Variants in CCDC14 observed in about 807,000 individuals in gnomAD.
The protein encoded by CCDC14 is coiled-coil domain containing 14.
Under a neutral mutation model 81.4 loss-of-function variants are expected in CCDC14, and 71 were observed. The ratio of observed to expected loss-of-function variants is 0.87; its 90% CI spans 0.72 to 1.06. The LOEUF (loss-of-function observed/expected upper bound fraction) is 1.06. Among genes scored for constraint, CCDC14 ranks in the 50% least tolerant of loss-of-function variants. The probability of loss-of-function intolerance (pLI) is 0.00; values close to 1 mark genes in which losing one functional copy is unlikely to be tolerated. For synonymous variants in CCDC14, 332 were observed against 364.8 expected (o/e 0.91, Z 1.03); for missense variants, 1,046 against 1,047.3 (o/e 1.00, Z 0.02).
chr3:123,893,055 T>A (rs1227138566), downstream of CCDC14, among the ~76,000 whole-genome samples: 1 of 152,196 alleles, frequency 6.6e-6, no homozygotes, highest in Non-Finnish European at 1.5e-5. Flanking sequence ...CCACCCACCT[T>A]GGCCTCCCAA....
At chr3:123,954,697 T>C (rs1412177452) in intron 5 of CCDC14, 1 of 152,180 alleles carries the variant, frequency 6.6e-6, no homozygotes, top group East Asian at 1.9e-4. Context: ...TTGGTCTATA[T>C]TTAGATTTAA....
rs973993886 is a variant in CCDC14 at position 123,931,131 on chromosome 3, A to T, written c.1749T>A (p.Ala583=). The change falls in exon 12 of 13, where the codon GCT becomes GCA. Residue 583 remains alanine, a synonymous_variant. Transcript: ENST00000409697. ...TTAATTCTCTTAGTCGAGTCACCTC[A>T]GCATCACGCTGACGTAATGTTATCC... ...ILGITLRQRD[A]EVTRLRELTR... 6 of 1,604,182 alleles carry T rather than the reference A, an allele frequency of 3.7e-6. No individual in the cohort carries two copies. Among genetic ancestry groups the T allele is most frequent in the Non-Finnish European group, 4.2e-6 (5 of 1,177,626 alleles).
At chr3:123,903,929 G>T (rs1207435715) in intron 5 of CCDC14, among the ~76,000 whole-genome samples, 1 of 152,146 alleles carries the variant, frequency 6.6e-6, no homozygotes, top group African/African-American at 2.4e-5. Flanking sequence ...GGAGAGAAGG[G>T]TCTGTAGGAC....
intron 5 of CCDC14, among the ~76,000 whole-genome samples, chr3:123,907,617 A>T (rs2034342373): frequency 6.6e-6 from 1 of 151,726 alleles, no homozygotes; most frequent in Non-Finnish European, 1.5e-5. Context: ...ATTCAGGAGG[A>T]TGCCTTGAAC....
intron 12 of CCDC14, among the ~76,000 whole-genome samples, chr3:123,925,803 A>C (rs1436351942): frequency 2.0e-5 from 3 of 152,182 alleles, no homozygotes; most frequent in Non-Finnish European, 4.4e-5. Context: ...CTCACTCCAA[A>C]ATACAATAAG....
At position 123,919,820 on chromosome 3, in the gene CCDC14, T is replaced by C. The variant is rs562042456; in HGVS notation, c.1779-4102A>G. On this transcript the variant is annotated intron_variant, in intron 12 of 12. Transcript: ENST00000409697. ...ATAACACTTGCAAAACTGGAAGAGG[T>C]GGCCACTTCTTCAAGTGCATAGACA... Among the ~76,000 whole-genome samples, 24 of 152,090 alleles carry C rather than the reference T, an allele frequency of 1.6e-4. No individual in the cohort carries two copies. The South Asian group carries it at 1.7e-3, about 11-fold the overall frequency.
At chr3:123,901,812 T>C (rs2034184393) in intron 5 of CCDC14, among the ~76,000 whole-genome samples, 1 of 152,150 alleles carries the variant, frequency 6.6e-6, no homozygotes, top group Admixed American at 6.5e-5. Flanking sequence ...ACTGATAAGA[T>C]GGTGACTAAA....
At chr3:123,912,491 T>A (rs141805416), downstream of CCDC14, among the ~76,000 whole-genome samples, 168 of 152,108 alleles carry the variant, frequency 1.1e-3, 1 homozygote, top group African/African-American at 3.9e-3. Context: ...AACCTTGGAG[T>A]CATCTTTGAT....
chr3:123,948,588 T>C, intron 7 of CCDC14, 103 bp downstream of exon 7: 1 of 915,328 alleles, frequency 1.1e-6, no homozygotes, highest in Non-Finnish European at 1.6e-6. Flanking sequence ...CAACTGGTCT[T>C]TAAATCCTAG....
chr3:123,914,985 A>C lies in CCDC14; in HGVS notation c.2512T>G (p.Cys838Gly), dbSNP rs1479111722. Residue 838 changes from cysteine to glycine, a missense_variant, in exon 13 of 13, where the codon TGT becomes GGT. Cys to Gly is a radical substitution (Grantham distance 159). Coordinates refer to ENST00000409697, the MANE Select transcript of CCDC14 (RefSeq NM_001366335.1). The part of the protein sequence containing the change: ...EQTACHGPSG[C>G]LSNSLQVKGN... Reference sequence around the variant, plus strand: ...TTCACTTGAAGGCTGTTGCTAAGACAACCTGATGGGCCATGACATGCAGTT... The same window carrying C: ...TTCACTTGAAGGCTGTTGCTAAGACCACCTGATGGGCCATGACATGCAGTT... 6.2e-7 allele frequency: 1 copy of C among 1,614,048 alleles called. No homozygotes were observed. The highest frequency in any genetic ancestry group is 1.7e-5 in the Admixed American group (1 of 60,036).
intron 5 of CCDC14, chr3:123,955,130 A>G (rs550509372): frequency 6.6e-6 from 1 of 152,288 alleles, no homozygotes; most frequent in South Asian, 2.1e-4. Context: ...TCCTTGCCCA[A>G]GCTGAATCTA....
chr3:123,895,366 C>T (rs1376250935), downstream of CCDC14, among the ~76,000 whole-genome samples: 2 of 152,138 alleles, frequency 1.3e-5, no homozygotes, highest in African/African-American at 4.8e-5. Flanking sequence ...TAAGATGTCA[C>T]AATTTATTAA....
At chr3:123,885,478 C>CTT in the CCDC14 span, among the ~76,000 whole-genome samples, 1,780 of 146,376 alleles carry the variant, frequency 0.012, 40 homozygotes, top group African/African-American at 0.042. Flanking sequence ...TCCCCCCACT[C>CTT]TTTTTTTTTT....
chr3:123,926,141 C>T (rs1695998856), intron 12 of CCDC14, among the ~76,000 whole-genome samples: 1 of 151,902 alleles, frequency 6.6e-6, no homozygotes, highest in South Asian at 2.1e-4. Flanking sequence ...TAGATAAAAT[C>T]AGAGATAAAG....
At chr3:123,932,611 T>C (rs757811610) in intron 10 of CCDC14, among the ~76,000 whole-genome samples, 1 of 152,156 alleles carries the variant, frequency 6.6e-6, no homozygotes, top group Admixed American at 6.5e-5. Context: ...TCTGTGGCAT[T>C]TGAGTCTTTG....
At chr3:123,960,278 A>C (rs2037602382) in intron 1 of CCDC14, among the ~76,000 whole-genome samples, 1 of 152,240 alleles carries the variant, frequency 6.6e-6, no homozygotes, top group East Asian at 1.9e-4. Context: ...ACAGTGTGCT[A>C]AGGTCTTTCA....
chr3:123,901,987 C>A (rs184220360), intron 5 of CCDC14, among the ~76,000 whole-genome samples: 32 of 152,238 alleles, frequency 2.1e-4, no homozygotes, highest in African/African-American at 7.7e-4. Context: ...ATCACACTGG[C>A]AAACATAATA....
intron 5 of CCDC14, among the ~76,000 whole-genome samples, chr3:123,908,116 A>G (rs558143403): frequency 1.7e-3 from 263 of 152,310 alleles, no homozygotes; most frequent in African/African-American, 6.0e-3. Flanking sequence ...GAGAGCACCC[A>G]TGATATTAGT....
rs937928670 is a variant in CCDC14, at chr3:123,950,728, C to T, written c.353-1596G>A. On this transcript the variant is annotated intron_variant, in intron 5 of 12. Transcript: ENST00000409697. ...TAGGTGGTGGCTACAGGGGTGTATA[C>T]GTATGCAAAAATTTATTGAGATTTA... 4.6e-5 allele frequency among the ~76,000 whole-genome samples: 7 copies of T among 150,678 alleles called. No homozygotes were observed. In the South Asian group the frequency reaches 8.5e-4, roughly 18 times the overall value.
Sources: allele counts gnomAD v4.1 joint callset (sites outside exome capture counted in the v4.1 genomes callset), GRCh38; gene constraint gnomAD v4.1.1; transcripts MANE v1.5; gene names NCBI Gene and HGNC (gene_info 2026-07-23, HGNC 2026-07-21).